The following RGS7 variants were observed in gnomAD, a reference collection of about 807,000 sequenced individuals.
RGS7 encodes the protein regulator of G-protein signaling 7.
Under a neutral mutation model 81.1 loss-of-function variants are expected in RGS7, and 27 were observed. That is an observed-to-expected ratio of 0.33 (90% CI 0.25 to 0.46). The LOEUF is 0.46. Among genes scored for constraint, RGS7 ranks in the 20% least tolerant of loss-of-function variants. The pLI, the probability that RGS7 is intolerant of heterozygous loss-of-function variation, is 1.00. For missense variants in RGS7, 396 were observed against 607.4 expected, an observed-to-expected ratio of 0.65 and a Z score of 3.66; for synonymous variants, 208 against 207.7, an observed-to-expected ratio of 1.00 and a Z score of -0.01.
intron 2 of RGS7, among the ~76,000 whole-genome samples, chr1:241,258,611 A>G (rs10926443): frequency 0.14 from 20,663 of 152,142 alleles, 1,507 homozygotes; most frequent in East Asian, 0.21. Flanking sequence ...TTCTTATTCT[A>G]TGCTTCTATT....
intron 2 of RGS7, among the ~76,000 whole-genome samples, chr1:241,303,299 T>C (rs1327996202): frequency 2.0e-5 from 3 of 152,162 alleles, no homozygotes; most frequent in Admixed American, 6.5e-5. Context: ...CACCTCCCAC[T>C]GCTCTCTCTT....
chr1:241,348,442 C>T (rs2083042167), intron 2 of RGS7, among the ~76,000 whole-genome samples: 1 of 152,180 alleles, frequency 6.6e-6, no homozygotes, highest in Non-Finnish European at 1.5e-5. Context: ...GCCCATGAAG[C>T]AACCAGGATG....
At chr1:241,025,675 C>T (rs1423171688) in intron 3 of RGS7, among the ~76,000 whole-genome samples, 2 of 147,178 alleles carry the variant, frequency 1.4e-5, no homozygotes, top group East Asian at 3.9e-4. Context: ...GAAACATGTA[C>T]AAAAATGGGA....
At chr1:241,188,000 TAGAA>T (rs1422318384) in intron 2 of RGS7, among the ~76,000 whole-genome samples, 1 of 152,068 alleles carries the variant, frequency 6.6e-6, no homozygotes. Context: ...TAAAACTAAA[TAGAA>T]GGAATAAGTT....
At chr1:241,209,173 T>C (rs2074099797) in intron 2 of RGS7, among the ~76,000 whole-genome samples, 1 of 152,212 alleles carries the variant, frequency 6.6e-6, no homozygotes, top group African/African-American at 2.4e-5. Flanking sequence ...GGGCACTGTC[T>C]GAGGCACTGT....
chr1:241,341,483 T>C (rs1279393568), intron 2 of RGS7, among the ~76,000 whole-genome samples: 1 of 152,118 alleles, frequency 6.6e-6, no homozygotes, highest in African/African-American at 2.4e-5. Flanking sequence ...TGTAAAAGGC[T>C]ACAGGGAGTT....
chr1:241,028,234 T>G (rs1403236002), intron 3 of RGS7, among the ~76,000 whole-genome samples: 1 of 152,232 alleles, frequency 6.6e-6, no homozygotes, highest in African/African-American at 2.4e-5. Context: ...CTCAAGAGGA[T>G]GCCGATGGAT....
chr1:241,097,075 C>G (rs1348098185), intron 3 of RGS7, among the ~76,000 whole-genome samples: 3 of 151,888 alleles, frequency 2.0e-5, no homozygotes, highest in African/African-American at 7.3e-5. Flanking sequence ...TGCAAAATAA[C>G]TCTAAGACAA....
chr1:240,842,302 G>A (rs1273694097), intron 9 of RGS7, among the ~76,000 whole-genome samples: 3 of 145,374 alleles, frequency 2.1e-5, no homozygotes, highest in Non-Finnish European at 4.5e-5. Context: ...GGTTTCAAGC[G>A]ATTCTCATGC....
At chr1:241,260,226 G>A (rs753521233) in intron 2 of RGS7, among the ~76,000 whole-genome samples, 10 of 152,096 alleles carry the variant, frequency 6.6e-5, no homozygotes, top group Admixed American at 1.3e-4. Context: ...TTACTTTATT[G>A]CTTCTCGTAG....
chr1:241,339,066 T>C lies in RGS7; in HGVS notation c.78+16633A>G, dbSNP rs565384546. Among the ~76,000 whole-genome samples the C allele has an allele frequency of 1.9e-4, 29 of 152,208 alleles. No individual in the cohort carries two copies. In the East Asian group the frequency reaches 5.2e-3, roughly 27 times the overall value. On this transcript the variant is annotated intron_variant, in intron 2 of 18. Transcript: ENST00000440928. Reference sequence around the variant, plus strand: ...GCCCCCCAACCCCAACAGGCCCCAGTGCGTGTCGTTCCCCTCCCTGTGTCC... The same window carrying C: ...GCCCCCCAACCCCAACAGGCCCCAGCGCGTGTCGTTCCCCTCCCTGTGTCC...
intron 2 of RGS7, among the ~76,000 whole-genome samples, chr1:241,315,176 G>A (rs1040316979): frequency 6.9e-6 from 1 of 145,594 alleles, no homozygotes; most frequent in East Asian, 2.0e-4. Context: ...GGCTGAGGGA[G>A]AGAGGAGTGC....
chr1:241,080,286 G>GA (rs76494616), intron 3 of RGS7, among the ~76,000 whole-genome samples: 56 of 140,180 alleles, frequency 4.0e-4, no homozygotes, highest in East Asian at 8.2e-4. Context: ...GTGAGGAATA[G>GA]AAAAAAAAAA....
intron 2 of RGS7, among the ~76,000 whole-genome samples, chr1:241,121,710 C>CTTTTTTTGTTTT: frequency 1.5e-5 from 1 of 66,412 alleles, no homozygotes; most frequent in Non-Finnish European, 2.7e-5. Context: ...TGCAATTGTT[C>CTTTTTTTGTTTT]TTTTTTTTTT....
At chr1:241,072,136 C>A (rs1168603727) in intron 3 of RGS7, among the ~76,000 whole-genome samples, 1 of 152,068 alleles carries the variant, frequency 6.6e-6, no homozygotes, top group African/African-American at 2.4e-5. Context: ...ACAGAGCACA[C>A]CTGATGAGTT....
chr1:241,025,069 C>T (rs756829522), intron 3 of RGS7, among the ~76,000 whole-genome samples: 3 of 152,094 alleles, frequency 2.0e-5, no homozygotes, highest in African/African-American at 7.2e-5. Context: ...ATATTAAATG[C>T]TATCAGGAAG....
At chr1:240,909,482 A>T (rs1050209104) in intron 6 of RGS7, among the ~76,000 whole-genome samples, 1 of 152,154 alleles carries the variant, frequency 6.6e-6, no homozygotes, top group African/African-American at 2.4e-5. Context: ...TAACTTACCT[A>T]GAGTAAGATA....
At chr1:241,024,047 C>T (rs541532988) in intron 3 of RGS7, among the ~76,000 whole-genome samples, 125 of 152,284 alleles carry the variant, frequency 8.2e-4, no homozygotes, top group African/African-American at 2.8e-3. Context: ...GCCAACACAT[C>T]CGGCTGACAA....
At chr1:241,053,903 C>G (rs1302142574) in intron 3 of RGS7, among the ~76,000 whole-genome samples, 1 of 152,132 alleles carries the variant, frequency 6.6e-6, no homozygotes, top group Non-Finnish European at 1.5e-5. Flanking sequence ...CACCTTCTGC[C>G]GTGATTGTGA....
Sources: gnomAD v4.1 joint callset for allele counts (sites outside exome capture counted in the v4.1 genomes callset) on GRCh38, gnomAD v4.1.1 for gene constraint, MANE v1.5 for transcripts, NCBI Gene and HGNC (gene_info 2026-07-23, HGNC 2026-07-21) for gene names.